The following SSH2 variants were observed in gnomAD, a reference collection of about 807,000 sequenced individuals.
The protein encoded by SSH2 is protein phosphatase Slingshot homolog 2.
SSH2 carries 37 observed loss-of-function variants against 135.2 expected under a neutral mutation model. The observed-to-expected ratio is 0.27, with a 90% CI of 0.21 to 0.36. SSH2 has a LOEUF of 0.36. SSH2 is among the 10% of genes least tolerant of loss of function. The pLI is 1.00. For missense variants in SSH2, 1,408 were observed against 1,765.3 expected (o/e 0.80, Z 3.63); for synonymous variants, 628 against 646.2 (o/e 0.97, Z 0.43).
At chr17:29,659,408 TCAGTGTAGTTTCAATTTG>T in intron 11 of SSH2, among the ~76,000 whole-genome samples, 1 of 152,370 alleles carries the variant, frequency 6.6e-6, no homozygotes, top group East Asian at 1.9e-4. Flanking sequence ...GATAGGTGTC[TCAGTGTAGTTTCAATTTG>T]CATTTCTCTT....
At position 29,636,065 on chromosome 17, in the gene SSH2, G is replaced by C. The variant is rs375658348; in HGVS notation, c.2165C>G (p.Ala722Gly). 1 of 1,614,162 alleles carries C rather than the reference G, an allele frequency of 6.2e-7. No individual in the cohort carries two copies. Among genetic ancestry groups the C allele is most frequent in the East Asian group, 2.2e-5 (1 of 44,878 alleles). The change falls in exon 15 of 16, where the codon GCC (alanine) becomes GGC (glycine). Residue 722 changes from alanine to glycine, a missense_variant. Coordinates refer to ENST00000540801, the MANE Select transcript of SSH2 (RefSeq NM_001282129.2). ...ESCRLSVVEV[A>G]PSKVTADDQR... The stretch of plus-strand genomic sequence containing the variant: ...GTCATCAGCTGTCACTTTGGAAGGG[G>C]CTACTTCTACCACTGACAGTCGACA...
intron 14 of SSH2, chr17:29,643,324 C>T (rs2036240674): frequency 1.0e-6 from 1 of 976,824 alleles, no homozygotes; most frequent in South Asian, 4.7e-5. Context: ...TTCTTACTGT[C>T]AGAGGCCTGA....
chr17:29,758,553 A>G (rs1027726754), intron 3 of SSH2, among the ~76,000 whole-genome samples: 1 of 152,198 alleles, frequency 6.6e-6, no homozygotes, highest in African/African-American at 2.4e-5. Context: ...GTGTTATCAA[A>G]TATATGATTT....
At chr17:29,730,707 G>T (rs1249728750) in intron 3 of SSH2, among the ~76,000 whole-genome samples, 3 of 152,062 alleles carry the variant, frequency 2.0e-5, no homozygotes, top group Non-Finnish European at 2.9e-5. Flanking sequence ...CCAAAGTGCT[G>T]GGATTACAGG....
chr17:29,749,307 A>C (rs1388523608), intron 3 of SSH2, among the ~76,000 whole-genome samples: 1 of 152,228 alleles, frequency 6.6e-6, no homozygotes. Flanking sequence ...TGAGAAATTC[A>C]TCATTAGGCA....
At chr17:29,917,930 G>A (rs532084902) in intron 1 of SSH2, among the ~76,000 whole-genome samples, 27 of 151,900 alleles carry the variant, frequency 1.8e-4, no homozygotes, top group African/African-American at 4.8e-4. Flanking sequence ...CTGTAATCCC[G>A]GCACTTTGGG....
intron 8 of SSH2, among the ~76,000 whole-genome samples, chr17:29,675,363 C>T (rs1210940240): frequency 6.6e-6 from 1 of 152,124 alleles, no homozygotes; most frequent in African/African-American, 2.4e-5. Flanking sequence ...CCATTCCGCT[C>T]CCCATGGGGA....
intron 3 of SSH2, among the ~76,000 whole-genome samples, chr17:29,723,837 C>CT (rs1266600184): frequency 6.6e-6 from 1 of 152,158 alleles, no homozygotes; most frequent in Non-Finnish European, 1.5e-5. Context: ...GGGGGAACTT[C>CT]TTCCACTTGA....
At position 29,666,909 on chromosome 17, in the gene SSH2, A is replaced by G; in HGVS notation, c.990T>C (p.Gly330=). 6.2e-7 allele frequency: 1 copy of G among 1,614,088 alleles called. No individual in the cohort carries two copies. Among genetic ancestry groups the G allele is most frequent in the Non-Finnish European group, 8.5e-7 (1 of 1,179,990 alleles). The stretch of plus-strand genomic sequence containing the variant: ...ATATCTGTGTAGGGCTATCCATTTG[A>G]CCAAGGATCACTATCATTTCATTGT... ...FIDNEMIVIL[G]QMDSPTQIFE... is the part of the protein sequence containing the mutation. The change falls in exon 11 of 16, where the codon GGT becomes GGC. Residue 330 remains glycine (G), a synonymous_variant. Coordinates refer to ENST00000540801, the MANE Select transcript of SSH2 (RefSeq NM_001282129.2).
intron 2 of SSH2, among the ~76,000 whole-genome samples, chr17:29,815,396 A>G (rs978759635): frequency 6.6e-6 from 1 of 150,516 alleles, no homozygotes; most frequent in Non-Finnish European, 1.5e-5. Context: ...TGCTGGGATT[A>G]CAGGTGTTAG....
At chr17:29,902,685 A>G (rs2066579601) in intron 1 of SSH2, among the ~76,000 whole-genome samples, 1 of 152,078 alleles carries the variant, frequency 6.6e-6, no homozygotes, top group African/African-American at 2.4e-5. Context: ...TTTTACTATT[A>G]ATGTACCTCT....
intron 3 of SSH2, among the ~76,000 whole-genome samples, chr17:29,742,515 G>A (rs1286664175): frequency 2.1e-5 from 1 of 47,060 alleles, no homozygotes; most frequent in African/African-American, 1.0e-4. Context: ...TCAATTTTTT[G>A]TGGAGGTGAG....
In SSH2 at chr17:29,913,347, A is replaced by AAAAAAAAAAAAATTATATATAT; in HGVS notation, c.63+16590_63+16591insATATATATAATTTTTTTTTTTT. On this transcript the variant is annotated intron_variant, in intron 1 of 15. Coordinates refer to ENST00000540801, the MANE Select transcript of SSH2 (RefSeq NM_001282129.2). ...AAAAAAAAAAAAAAAAAAAAAAAAA[A>AAAAAAAAAAAAATTATATATAT]ATATATATATATATATATATATATA... 1.0e-4 allele frequency among the ~76,000 whole-genome samples: 3 copies of AAAAAAAAAAAAATTATATATAT among 28,786 alleles called. 1 individual carries two copies. Among genetic ancestry groups the AAAAAAAAAAAAATTATATATAT allele is most frequent in the Non-Finnish European group, 1.8e-4 (3 of 16,996 alleles). The allele number at this position is 28,786 out of a possible 152,430, so 18.9% of individuals were successfully genotyped here.
chr17:29,722,265 C>T, intron 3 of SSH2, among the ~76,000 whole-genome samples: 1 of 128,466 alleles, frequency 7.8e-6, no homozygotes, highest in South Asian at 2.4e-4. Flanking sequence ...TAGAACGGGA[C>T]ATTATCTCAA....
chr17:29,908,536 G>GGGCAGATCACTTGAGGTC lies in SSH2; in HGVS notation c.63+21384_63+21401dup. ...TCCCAGAACACTGGGAGGCCAAGGT[G>GGGCAGATCACTTGAGGTC]GGCAGATCACTTGAGGTCAGGAGTT... On this transcript the variant is annotated intron_variant, in intron 1 of 15. Coordinates refer to ENST00000540801, the MANE Select transcript of SSH2 (RefSeq NM_001282129.2). 2.0e-5 allele frequency among the ~76,000 whole-genome samples: 3 copies of GGGCAGATCACTTGAGGTC among 152,098 alleles called. 1 individual carries two copies. The highest frequency in any genetic ancestry group is 2.0e-4 in the Admixed American group (3 of 15,284).
At chr17:29,883,641 A>T (rs1039213571) in intron 1 of SSH2, among the ~76,000 whole-genome samples, 3 of 152,228 alleles carry the variant, frequency 2.0e-5, no homozygotes, top group African/African-American at 4.8e-5. Context: ...CATAACAGGA[A>T]ATAGATATTT....
Position 29,631,516 on chromosome 17 carries a change from TA to T in SSH2, c.3677del (p.Leu1226TyrfsTer10). ...CAGGCAATGGGTCCATTTTCTCCTGTAACTCCCCAGTGTTGTCACCAAGTTT... is the reference window on the plus strand; with the variant it reads ...CAGGCAATGGGTCCATTTTCTCCTGTACTCCCCAGTGTTGTCACCAAGTTT... ...ISKLGDNTGE[L>X]QEKMDPLPVA... On this transcript the variant is annotated frameshift_variant, in exon 16 of 16. Transcript: ENST00000540801. LOFTEE classifies it high-confidence loss of function. 1 of 1,614,176 alleles carries T rather than the reference TA, an allele frequency of 6.2e-7. No individual in the cohort carries two copies. The highest frequency in any genetic ancestry group is 8.5e-7 in the Non-Finnish European group (1 of 1,180,022).
chr17:29,818,316 T>C (rs990528170), intron 2 of SSH2, among the ~76,000 whole-genome samples: 12 of 151,814 alleles, frequency 7.9e-5, no homozygotes, highest in Non-Finnish European at 1.5e-5. Context: ...TTGCGTGATC[T>C]TGGCTCACTG....
At chr17:29,767,467 A>C (rs1181222795) in intron 3 of SSH2, among the ~76,000 whole-genome samples, 1 of 151,676 alleles carries the variant, frequency 6.6e-6, no homozygotes, top group African/African-American at 2.4e-5. Context: ...TGAATGCTTA[A>C]ATCTTTTTAG....
Sources: allele counts gnomAD v4.1 joint callset (sites outside exome capture counted in the v4.1 genomes callset), GRCh38; gene constraint gnomAD v4.1.1; transcripts MANE v1.5; gene names NCBI Gene and HGNC (gene_info 2026-07-23, HGNC 2026-07-21).